GFRA2: variants seen among roughly 807,000 people sequenced by gnomAD.
GFRA2 encodes the protein GDNF family receptor alpha-2.
In GFRA2, 17 loss-of-function variants were observed where a neutral mutation model predicts 48.3. The ratio of observed to expected loss-of-function variants is 0.35; its 90% confidence interval spans 0.24 to 0.53. GFRA2 has a LOEUF of 0.53. Ranked by LOEUF, GFRA2 falls within the 20% of genes least tolerant of loss-of-function variation. The probability of loss-of-function intolerance (pLI) is 0.93; values close to 1 mark genes in which losing one functional copy is unlikely to be tolerated. For missense variants in GFRA2, 660 were observed against 637.3 expected (o/e 1.04, Z -0.38); for synonymous variants, 305 against 257.2 (o/e 1.19, Z -1.78).
At chr8:21,775,625 G>A (rs769137273) in intron 2 of GFRA2, among the ~76,000 whole-genome samples, 44 of 152,200 alleles carry the variant, frequency 2.9e-4, no homozygotes, top group Non-Finnish European at 5.0e-4. Flanking sequence ...TCACTGAGGA[G>A]GACAGAATTT....
chr8:21,744,879 T>C (rs566703896), intron 4 of GFRA2, among the ~76,000 whole-genome samples: 16 of 152,242 alleles, frequency 1.1e-4, no homozygotes, highest in African/African-American at 3.9e-4. Context: ...GTTCCTGAGA[T>C]GCAACTTCAA....
intron 2 of GFRA2, among the ~76,000 whole-genome samples, chr8:21,777,938 T>C (rs1806790040): frequency 1.3e-5 from 2 of 152,280 alleles, no homozygotes; most frequent in South Asian, 2.1e-4. Context: ...TCAGCAGCCA[T>C]GTCTTGCGGT....
intron 4 of GFRA2, among the ~76,000 whole-genome samples, chr8:21,712,814 G>C (rs901344692): frequency 6.6e-6 from 1 of 152,040 alleles, no homozygotes; most frequent in East Asian, 1.9e-4. Context: ...AGACCAGCCC[G>C]GCCAACACAG....
At chr8:21,798,939 A>C (rs1306047527) in intron 2 of GFRA2, among the ~76,000 whole-genome samples, 1 of 152,176 alleles carries the variant, frequency 6.6e-6, no homozygotes, top group East Asian at 1.9e-4. Flanking sequence ...CACTCAACTC[A>C]AAGCTCTGTT....
At chr8:21,800,368 C>T (rs913834945) in intron 2 of GFRA2, among the ~76,000 whole-genome samples, 7 of 152,184 alleles carry the variant, frequency 4.6e-5, no homozygotes, top group African/African-American at 1.7e-4. Context: ...GAATGAGATC[C>T]GAGAAGGTGA....
intron 2 of GFRA2, among the ~76,000 whole-genome samples, chr8:21,775,808 C>T (rs1806664637): frequency 6.6e-6 from 1 of 152,216 alleles, no homozygotes; most frequent in African/African-American, 2.4e-5. Context: ...CTTTGGGTGC[C>T]TTGGGGGCTC....
intron 3 of GFRA2, among the ~76,000 whole-genome samples, chr8:21,762,981 T>C (rs991462833): frequency 2.0e-5 from 3 of 152,346 alleles, no homozygotes; most frequent in South Asian, 4.1e-4. Flanking sequence ...TTTGATGGTA[T>C]AGAGAATGGA....
intron 4 of GFRA2, among the ~76,000 whole-genome samples, chr8:21,742,175 A>C (rs1188084695): frequency 6.6e-6 from 1 of 152,190 alleles, no homozygotes; most frequent in African/African-American, 2.4e-5. Flanking sequence ...GTGTCTCCCC[A>C]AAATTCATAT....
Position 21,726,750 on chromosome 8 carries a change from A to ATT in GFRA2, c.795-20711_795-20710dup, listed in dbSNP as rs35319026. On this transcript the variant is annotated intron_variant, in intron 4 of 8. Transcript: ENST00000524240. ...TCTTAATTACATCTGCAAACACCCTATTTTTTTTTTTTTTTTTTTTGAGAC... is the reference window on the plus strand; with the variant it reads ...TCTTAATTACATCTGCAAACACCCTATTTTTTTTTTTTTTTTTTTTTTGAGAC... Among the ~76,000 whole-genome samples, 330 of 113,114 alleles carry ATT rather than the reference A, an allele frequency of 2.9e-3. 4 individuals carry two copies. Among genetic ancestry groups the ATT allele is most frequent in the African/African-American group, 0.01 (303 of 29,274 alleles). 74.2% of individuals were successfully genotyped at this position (113,114 alleles called of 152,430 possible). A position where few individuals can be genotyped will look rare whatever the true frequency, so the allele number is the denominator to read the frequency against.
chr8:21,775,987 C>T lies in GFRA2; in HGVS notation c.356-932G>A, dbSNP rs936832634. Among the ~76,000 whole-genome samples, 135 of 126,690 alleles carry T rather than the reference C, an allele frequency of 1.1e-3. 2 individuals carry two copies. The highest frequency in any genetic ancestry group is 4.3e-3 in the African/African-American group (132 of 30,604). The allele number at this position is 126,690 out of a possible 152,430, so 83.1% of individuals were successfully genotyped here. A position where few individuals can be genotyped will look rare whatever the true frequency, so the allele number is the denominator to read the frequency against. On this transcript the variant is annotated intron_variant, in intron 2 of 8. Coordinates refer to ENST00000524240, the MANE Select transcript of GFRA2 (RefSeq NM_001495.5). The stretch of plus-strand genomic sequence containing the variant: ...GGAAATTGATGGCTCACCACTCATC[C>T]TCTGTGTGTGTGTGTGTGTGTGTGT...
chr8:21,705,023 T>C lies in GFRA2; in HGVS notation c.1007A>G (p.Glu336Gly). 11 of 1,610,580 alleles carry C rather than the reference T, an allele frequency of 6.8e-6. No individual in the cohort carries two copies. Among genetic ancestry groups the C allele is most frequent in the Non-Finnish European group, 9.3e-6 (11 of 1,178,984 alleles). Residue 336 changes from glutamate to glycine, a missense_variant, in exon 6 of 9, where the codon GAG (glutamate) becomes GGG (glycine). Coordinates refer to ENST00000524240, the MANE Select transcript of GFRA2 (RefSeq NM_001495.5). ...CTCGGTGAAGTCCCTGAGGAACTTCTCACACTCCTCCTCCATGTTCCCGCT... is the reference window on the plus strand; with the variant it reads ...CTCGGTGAAGTCCCTGAGGAACTTCCCACACTCCTCCTCCATGTTCCCGCT... ...RGSGNMEEEC[E>G]KFLRDFTENP... is the part of the protein sequence containing the mutation.
chr8:21,721,782 C>G (rs1248897464), intron 4 of GFRA2, among the ~76,000 whole-genome samples: 2 of 152,110 alleles, frequency 1.3e-5, no homozygotes, highest in African/African-American at 4.8e-5. Flanking sequence ...TGGGCTGGAG[C>G]CTGCCCACCA....
intron 1 of GFRA2, among the ~76,000 whole-genome samples, chr8:21,811,942 G>T (rs1163098635): frequency 1.3e-5 from 2 of 152,166 alleles, no homozygotes; most frequent in Non-Finnish European, 2.9e-5. Context: ...TGTGTCTATA[G>T]TTCTGTGCCC....
intron 6 of GFRA2, among the ~76,000 whole-genome samples, chr8:21,703,187 G>A (rs1802570314): frequency 6.6e-6 from 1 of 152,146 alleles, no homozygotes; most frequent in Non-Finnish European, 1.5e-5. Flanking sequence ...GCAAGAGAGA[G>A]GTTAAAAAAC....
At chr8:21,773,881 G>A (rs1806557639) in intron 3 of GFRA2, among the ~76,000 whole-genome samples, 3 of 152,286 alleles carry the variant, frequency 2.0e-5, no homozygotes, top group East Asian at 1.9e-4. Context: ...GCAAGAGCGC[G>A]GCTGGCATCC....
chr8:21,788,054 T>G (rs1585345220), intron 1 of GFRA2, 66 bp downstream of exon 1: 9 of 216,142 alleles, frequency 4.2e-5, no homozygotes, highest in Non-Finnish European at 7.7e-5. Context: ...CCACCGGCGC[T>G]CCGCTCGCCC....
In GFRA2 at chr8:21,693,256, A is replaced by T. The variant is rs15881; in HGVS notation, c.*22T>A. ...TCTTGTCTGCGTAGCTTTCAAAAATATTCTGACTCGGTTCCCACAGCCTAC... is the reference window on the plus strand; with the variant it reads ...TCTTGTCTGCGTAGCTTTCAAAAATTTTCTGACTCGGTTCCCACAGCCTAC... On this transcript the variant is annotated 3_prime_UTR_variant, in exon 9 of 9. Transcript: ENST00000524240. 1.9e-6 allele frequency: 3 copies of T among 1,598,326 alleles called. No individual in the cohort carries two copies. Among genetic ancestry groups the T allele is most frequent in the East Asian group, 4.5e-5 (2 of 44,290 alleles).
chr8:21,735,160 C>T (rs903009517), intron 4 of GFRA2, among the ~76,000 whole-genome samples: 11 of 152,322 alleles, frequency 7.2e-5, no homozygotes, highest in Middle Eastern at 3.4e-3. Flanking sequence ...CACGGGCTCA[C>T]ATCCTCAGCC....
Position 21,755,785 on chromosome 8 carries a change from CG to C in GFRA2, c.440-4844del, listed in dbSNP as rs1291876355. ...GGGAGGAACTGCAAGCAATTCAATACGACTGAACATGGAAACCAAGGCAAGG... is the reference window on the plus strand; with the variant it reads ...GGGAGGAACTGCAAGCAATTCAATACACTGAACATGGAAACCAAGGCAAGG... On this transcript the variant is annotated intron_variant, in intron 3 of 8. Transcript: ENST00000524240. Among the ~76,000 whole-genome samples, 10 of 152,348 alleles carry C rather than the reference CG, an allele frequency of 6.6e-5. No homozygotes were observed. The East Asian group carries it at 1.9e-3, about 29-fold the overall frequency.
Sources: allele counts gnomAD v4.1 joint callset (sites outside exome capture counted in the v4.1 genomes callset), GRCh38; gene constraint gnomAD v4.1.1; transcripts MANE v1.5; gene names NCBI Gene and HGNC (gene_info 2026-07-23, HGNC 2026-07-21).